TAF5L: variants seen among roughly 807,000 people sequenced by gnomAD.
The protein encoded by TAF5L is TATA-box binding protein associated factor 5 like, also known as TAF5-like RNA polymerase II p300/CBP-associated factor-associated factor 65 kDa subunit 5L.
TAF5L carries 7 observed loss-of-function variants against 51.3 expected under a neutral mutation model. The ratio of observed to expected loss-of-function variants is 0.14; its 90% CI spans 0.08 to 0.26. TAF5L has a LOEUF of 0.26. Ranked by LOEUF, TAF5L falls within the 10% of genes least tolerant of loss-of-function variation. TAF5L has a pLI of 1.00. For synonymous variants in TAF5L, 291 were observed against 308.1 expected (o/e 0.94, Z 0.58); for missense variants, 575 against 758.9 (o/e 0.76, Z 2.85).
In TAF5L at chr1:229,594,145, CTGAG is replaced by C; in HGVS notation, c.*148_*151del. ...AACCTTGGCCTTCGACACTGGGGGGCTGAGTGAAGGGGGACCTGCCCGGAATGAG... is the reference window on the plus strand; with the variant it reads ...AACCTTGGCCTTCGACACTGGGGGGCTGAAGGGGGACCTGCCCGGAATGAG... On this transcript the variant is annotated 3_prime_UTR_variant, in exon 5 of 5. Transcript: ENST00000258281. The surrounding 1 kb of genome is among the most constrained non-coding windows in gnomAD (Gnocchi z 7.9). 1 of 860,320 alleles carries C rather than the reference CTGAG, an allele frequency of 1.2e-6. No homozygotes were observed. Among genetic ancestry groups the C allele is most frequent in the Non-Finnish European group, 1.8e-6 (1 of 563,284 alleles). 53.3% of individuals were successfully genotyped at this position (860,320 alleles called of 1,614,324 possible).
chr1:229,625,926 C>G lies in TAF5L; in HGVS notation c.-45G>C, dbSNP rs1571861781. ...CTCCGGCTCCCCCCGCCGCCGCCGC[C>G]TCCGGGATCGGGTTGCTTCCGCCTC... is the stretch of plus-strand genomic sequence containing the variant. On this transcript the variant is annotated 5_prime_UTR_variant, in exon 1 of 5. Coordinates refer to ENST00000258281, the Ensembl canonical transcript of TAF5L. This position sits in a 1 kb window ranked among gnomAD's most constrained non-coding sequence, Gnocchi z 4.0. 6.8e-6 allele frequency: 1 copy of G among 147,916 alleles called. No individual in the cohort carries two copies. 9.2% of individuals were successfully genotyped at this position (147,916 alleles called of 1,614,324 possible).
At chr1:229,614,263 G>C in intron 2 of TAF5L, 78 bp downstream of exon 2, 1 of 1,612,600 alleles carries the variant, frequency 6.2e-7, no homozygotes, top group South Asian at 1.1e-5. Context: ...TTGAGAAGAG[G>C]AGAAGTAATT....
At chr1:229,596,016 G>A (rs1664111842) in intron 4 of TAF5L, among the ~76,000 whole-genome samples, 1 of 152,212 alleles carries the variant, frequency 6.6e-6, no homozygotes, top group Non-Finnish European at 1.5e-5. Flanking sequence ...GGCTCGCACT[G>A]TAATCCCAAC....
chr1:229,601,885 C>G (rs1664389110), intron 4 of TAF5L: 3 of 1,130,990 alleles, frequency 2.7e-6, no homozygotes. Flanking sequence ...TGTATATTTA[C>G]TGCAAATCTC....
At chr1:229,613,168 CAAA>C (rs10649912) in intron 2 of TAF5L, among the ~76,000 whole-genome samples, 1 of 135,900 alleles carries the variant, frequency 7.4e-6, no homozygotes, top group Non-Finnish European at 1.6e-5. Flanking sequence ...GAATAACAAG[CAAA>C]AAAAAAAAAA....
chr1:229,601,143 CT>C (rs1664356223), intron 4 of TAF5L: 1 of 985,242 alleles, frequency 1.0e-6, no homozygotes, highest in South Asian at 4.7e-5. Context: ...TTCAATTATA[CT>C]GTCTCGGTTG....
rs145958324 is a variant in TAF5L, at chr1:229,602,823, G to A, written c.344C>T (p.Thr115Ile). The A allele has an allele frequency of 8.7e-6, 14 of 1,613,224 alleles. No homozygotes were observed. In the African/African-American group the frequency reaches 1.7e-4, roughly 20 times the overall value. ...GAAGCGGCTGTAAAAACTTTCCACT[G>A]TGCTCTTCGGACTGTTTTGGACCAG... is the stretch of plus-strand genomic sequence containing the variant. Residue 115 changes from threonine (T) to isoleucine (I), a missense_variant, in exon 4 of 5, where the codon ACA (threonine) becomes ATA (isoleucine). This residue lies in a region of TAF5L where 380 missense variants were observed against 443.7 expected (regional missense o/e 0.86). Transcript: ENST00000258281. The surrounding 1 kb of genome is among the most constrained non-coding windows in gnomAD (Gnocchi z 4.6).
Position 229,600,423 on chromosome 1 carries a change from A to G in TAF5L, c.972+1772T>C. The stretch of plus-strand genomic sequence containing the variant: ...ATGCTTAAACAAAACCACCATTCCA[A>G]TGACGTCTTTTGCTTTCTTCTTGAT... On this transcript the variant is annotated intron_variant, in intron 4 of 4. Coordinates refer to ENST00000258281, the Ensembl canonical transcript of TAF5L. 6 of 985,370 alleles carry G rather than the reference A, an allele frequency of 6.1e-6. No homozygotes were observed. In the South Asian group the frequency reaches 1.4e-4, roughly 23 times the overall value. The allele number at this position is 985,370 out of a possible 1,614,324, so 61.0% of individuals were successfully genotyped here.
chr1:229,622,041 CTATCTATCTATCTATCTA>C (rs1665222124), intron 1 of TAF5L, among the ~76,000 whole-genome samples: 42 of 147,132 alleles, frequency 2.9e-4, no homozygotes, highest in African/African-American at 1.1e-3. Context: ...ATCTATCTAT[CTATCTATCTATCTATCTA>C]TCTATCTATA....
rs16849999 is a variant in TAF5L at position 229,607,177 on chromosome 1, G to A, written c.247+2929C>T. The A allele has an allele frequency of 5.3e-3, 5,245 of 982,612 alleles. 228 individuals carry two copies. In the African/African-American group the frequency reaches 0.087, roughly 16 times the overall value. The allele number at this position is 982,612 out of a possible 1,614,324, so 60.9% of individuals were successfully genotyped here. A position where few individuals can be genotyped will look rare whatever the true frequency, so the allele number is the denominator to read the frequency against. ...CTCCAGTCTTAAAGCCTGAGCCATC[G>A]TCACCTCTTCTTCCTCCTTTACTCC... On this transcript the variant is annotated intron_variant, in intron 3 of 4. Coordinates refer to ENST00000258281, the Ensembl canonical transcript of TAF5L.
intron 1 of TAF5L, among the ~76,000 whole-genome samples, chr1:229,617,770 A>G (rs757571080): frequency 6.6e-6 from 1 of 152,232 alleles, no homozygotes; most frequent in Non-Finnish European, 1.5e-5. Flanking sequence ...AACACTGACC[A>G]TATTTAAGAT....
intron 1 of TAF5L, among the ~76,000 whole-genome samples, chr1:229,622,998 CG>C (rs1331742883): frequency 6.6e-6 from 1 of 152,160 alleles, no homozygotes; most frequent in Admixed American, 6.5e-5. Flanking sequence ...TTACTGCCGC[CG>C]GGCACGGTGG....
rs145603812 is a variant in TAF5L, at chr1:229,606,885, G to A, written c.247+3221C>T. The A allele has an allele frequency of 5.7e-4, 563 of 985,338 alleles. 5 individuals are homozygous for A. The African/African-American group carries it at 9.2e-3, about 16-fold the overall frequency. The allele number at this position is 985,338 out of a possible 1,614,324, so 61.0% of individuals were successfully genotyped here. A position where few individuals can be genotyped will look rare whatever the true frequency, so the allele number is the denominator to read the frequency against. On this transcript the variant is annotated intron_variant, in intron 3 of 4. Transcript: ENST00000258281. ...TCTCATCTACAGACAACCTGTGGAG[G>A]AAAAATACATTCAGGTGGATATAGA...
intron 3 of TAF5L, among the ~76,000 whole-genome samples, chr1:229,604,297 C>T (rs1299736024): frequency 2.0e-5 from 3 of 151,852 alleles, no homozygotes; most frequent in African/African-American, 7.3e-5. Flanking sequence ...GCTTAACACC[C>T]TATTTCACTT....
intron 1 of TAF5L, among the ~76,000 whole-genome samples, chr1:229,624,130 C>T (rs1200103244): frequency 6.6e-6 from 1 of 152,168 alleles, no homozygotes; most frequent in African/African-American, 2.4e-5. Context: ...CAGAGATGTC[C>T]TTCACAGGTG....
intron 1 of TAF5L, among the ~76,000 whole-genome samples, chr1:229,622,559 G>C (rs981394988): frequency 1.3e-5 from 2 of 152,022 alleles, no homozygotes; most frequent in African/African-American, 4.8e-5. Flanking sequence ...ATAGGGAACT[G>C]CCAAGACTTT....
chr1:229,607,202 C>T (rs1453954750), intron 3 of TAF5L: 1 of 985,276 alleles, frequency 1.0e-6, no homozygotes, highest in African/African-American at 1.7e-5. Flanking sequence ...TCCTTTACTC[C>T]TGAGCCTTGG....
At chr1:229,606,359 C>T (rs906169588) in intron 3 of TAF5L, 3 of 940,156 alleles carry the variant, frequency 3.2e-6, no homozygotes, top group Middle Eastern at 5.5e-4. Context: ...CAAACATATC[C>T]TCTGAAAGTA....
chr1:229,617,671 C>T (rs535681223), intron 1 of TAF5L, among the ~76,000 whole-genome samples: 32 of 151,940 alleles, frequency 2.1e-4, no homozygotes, highest in Admixed American at 1.8e-3. Context: ...CCTCAAGGTG[C>T]GACAATATAC....
Sources: gnomAD v4.1 joint callset for allele counts (sites outside exome capture counted in the v4.1 genomes callset) on GRCh38, gnomAD v4.1.1 for gene constraint, gnomAD v4.1.1 regional missense constraint, Gnocchi (gnomAD v3.1) non-coding constraint, MANE v1.5 for transcripts, NCBI Gene and HGNC (gene_info 2026-07-23, HGNC 2026-07-21) for gene names.